PCSK6: variants seen among roughly 807,000 people sequenced by gnomAD.
The protein encoded by PCSK6 is paired basic amino acid cleaving enzyme 4.
In PCSK6, 85 loss-of-function variants were observed where a neutral mutation model predicts 123.3. The ratio of observed to expected loss-of-function variants is 0.69; its 90% CI spans 0.58 to 0.83. PCSK6 has a LOEUF of 0.83. PCSK6 is among the 40% of genes least tolerant of loss of function. The probability of loss-of-function intolerance (pLI) is 0.00; values close to 1 mark genes in which losing one functional copy is unlikely to be tolerated. For synonymous variants in PCSK6, 508 were observed against 516.0 expected (o/e 0.98, Z 0.21); for missense variants, 1,191 against 1,282.3 (o/e 0.93, Z 1.09).
At chr15:101,437,353 G>A (rs575020816) in intron 2 of PCSK6, among the ~76,000 whole-genome samples, 2 of 152,312 alleles carry the variant, frequency 1.3e-5, no homozygotes, top group South Asian at 2.1e-4. Flanking sequence ...GGGTGGGGCC[G>A]GGAAACCCCA....
intron 6 of PCSK6, among the ~76,000 whole-genome samples, chr15:101,406,846 C>T (rs2042796164): frequency 6.6e-6 from 1 of 152,148 alleles, no homozygotes; most frequent in Admixed American, 6.5e-5. Flanking sequence ...TGGAGCCACT[C>T]CACCTCCTTC....
At chr15:101,375,040 C>T (rs550739191) in intron 11 of PCSK6, among the ~76,000 whole-genome samples, 1 of 151,838 alleles carries the variant, frequency 6.6e-6, no homozygotes, top group African/African-American at 2.4e-5. Context: ...GTAACCTCTG[C>T]CTCCCGGGTT....
rs1375778137 is a variant in PCSK6 at position 101,305,578 on chromosome 15, G to A, written c.2813-223C>T. On this transcript the variant is annotated intron_variant, in intron 21 of 21. Coordinates refer to ENST00000611716, the MANE Select transcript of PCSK6 (RefSeq NM_002570.5). This position sits in a 1 kb window ranked among gnomAD's most constrained non-coding sequence, Gnocchi z 4.8. ...TAAAAATTAGCTGGGCATGGTGGTG[G>A]GCACCTGTAATCCAAGCTACTCGGG... 4.3e-6 allele frequency: 2 copies of A among 463,810 alleles called. No individual in the cohort carries two copies. Among genetic ancestry groups the A allele is most frequent in the African/African-American group, 2.0e-5 (1 of 50,278 alleles). The allele number at this position is 463,810 out of a possible 1,614,324, so 28.7% of individuals were successfully genotyped here. A position where few individuals can be genotyped will look rare whatever the true frequency, so the allele number is the denominator to read the frequency against.
chr15:101,343,779 T>G (rs2141393112), intron 13 of PCSK6, among the ~76,000 whole-genome samples: 1 of 152,334 alleles, frequency 6.6e-6, no homozygotes, highest in African/African-American at 2.4e-5. Flanking sequence ...TTCATAAATC[T>G]TCCATTCGTG....
chr15:101,427,993 A>T lies in PCSK6; in HGVS notation c.735-13T>A, dbSNP rs369500237. The T allele has an allele frequency of 1.8e-4, 287 of 1,560,404 alleles. 1 individual carries two copies. Among genetic ancestry groups the T allele is most frequent in the Non-Finnish European group, 1.8e-4 (212 of 1,151,692 alleles). On this transcript the variant is annotated splice_polypyrimidine_tract_variant and intron_variant, in intron 5 of 21. Coordinates refer to ENST00000611716, the MANE Select transcript of PCSK6 (RefSeq NM_002570.5). ...ACGAGTGCCGTGTCTGAAACAAAGG[A>T]AAAAACCAAGTGAGGACGCAGCCCA...
intron 13 of PCSK6, chr15:101,346,970 A>C: frequency 8.1e-7 from 1 of 1,231,752 alleles, no homozygotes; most frequent in Non-Finnish European, 1.0e-6. Context: ...CGGCCCCGTG[A>C]AAGAGAAAAG....
intron 15 of PCSK6, among the ~76,000 whole-genome samples, chr15:101,329,459 A>G (rs2040329519): frequency 6.6e-6 from 1 of 152,204 alleles, no homozygotes; most frequent in Non-Finnish European, 1.5e-5. Flanking sequence ...GCCCACGAGA[A>G]TAAGAGTACA....
chr15:101,312,963 C>T, intron 20 of PCSK6: 1 of 1,021,722 alleles, frequency 9.8e-7, no homozygotes, highest in Non-Finnish European at 1.2e-6. Context: ...TGAGGTCACA[C>T]CAGTGCACTC....
intron 1 of PCSK6, among the ~76,000 whole-genome samples, chr15:101,466,458 A>T (rs1314122521): frequency 6.6e-6 from 1 of 152,208 alleles, no homozygotes; most frequent in African/African-American, 2.4e-5. Flanking sequence ...AAATGTAAAC[A>T]TAGAGCTGCC....
intron 5 of PCSK6, 106 bp downstream of exon 5, chr15:101,429,881 A>C: frequency 3.2e-6 from 3 of 945,366 alleles, no homozygotes; most frequent in Non-Finnish European, 5.0e-6. Flanking sequence ...CAGGCAGGGA[A>C]GATACGCCGG....
chr15:101,404,126 T>C (rs2042698172), intron 6 of PCSK6, among the ~76,000 whole-genome samples: 1 of 152,242 alleles, frequency 6.6e-6, no homozygotes, highest in African/African-American at 2.4e-5. Flanking sequence ...GTCTTCTCAC[T>C]GTGTTTATGG....
At chr15:101,341,126 G>T (rs1027283772) in intron 13 of PCSK6, among the ~76,000 whole-genome samples, 1 of 151,296 alleles carries the variant, frequency 6.6e-6, no homozygotes, top group Non-Finnish European at 1.5e-5. Flanking sequence ...GTAGAGACAG[G>T]GTTTCACCAT....
intron 1 of PCSK6, among the ~76,000 whole-genome samples, chr15:101,479,599 G>A (rs952472723): frequency 6.6e-6 from 1 of 152,212 alleles, no homozygotes; most frequent in Admixed American, 6.5e-5. Flanking sequence ...AGAGGCTGGT[G>A]GGAGGAATCC....
intron 7 of PCSK6, among the ~76,000 whole-genome samples, chr15:101,395,581 C>G (rs2042386977): frequency 6.6e-6 from 1 of 152,230 alleles, no homozygotes; most frequent in African/African-American, 2.4e-5. Context: ...GATGTTTTAA[C>G]TGTCTCTGAC....
chr15:101,359,336 GT>G (rs1183564855), intron 13 of PCSK6, among the ~76,000 whole-genome samples: 3 of 152,206 alleles, frequency 2.0e-5, no homozygotes, highest in Non-Finnish European at 4.4e-5. Context: ...CAAAGATCCA[GT>G]TTCTACCCAC....
In PCSK6 at chr15:101,307,212, C is replaced by T. The variant is rs757857818; in HGVS notation, c.2812+1G>A. On this transcript the variant is annotated splice_donor_variant, in intron 21 of 21. Transcript: ENST00000611716. LOFTEE classifies it high-confidence loss of function. ...CCCAGGGTAACCCAGCTGCTGCTCACCGTTGCTGCACGTGTGGTTGGTGAT... is the reference window on the plus strand; with the variant it reads ...CCCAGGGTAACCCAGCTGCTGCTCATCGTTGCTGCACGTGTGGTTGGTGAT... 6.2e-7 allele frequency: 1 copy of T among 1,610,718 alleles called. No individual in the cohort carries two copies. The highest frequency in any genetic ancestry group is 8.5e-7 in the Non-Finnish European group (1 of 1,177,302).
At chr15:101,386,990 C>T (rs769046532) in intron 9 of PCSK6, among the ~76,000 whole-genome samples, 2 of 152,162 alleles carry the variant, frequency 1.3e-5, no homozygotes, top group South Asian at 4.1e-4. Context: ...TCACCCATGG[C>T]GTTAAGTCTT....
rs890845477 is a variant in PCSK6 at position 101,406,038 on chromosome 15, C to T, written c.824-7462G>A. Among the ~76,000 whole-genome samples the T allele has an allele frequency of 1.1e-4, 16 of 152,312 alleles. No individual in the cohort carries two copies. The East Asian group carries it at 2.7e-3, about 26-fold the overall frequency. ...GATTACAGGTATGAACCACCGTACCCGGCCGCCTGCTTCTAATTTATATCT... is the reference window on the plus strand; with the variant it reads ...GATTACAGGTATGAACCACCGTACCTGGCCGCCTGCTTCTAATTTATATCT... On this transcript the variant is annotated intron_variant, in intron 6 of 21. Coordinates refer to ENST00000611716, the MANE Select transcript of PCSK6 (RefSeq NM_002570.5).
intron 13 of PCSK6, among the ~76,000 whole-genome samples, chr15:101,343,350 T>C (rs1052117205): frequency 5.9e-5 from 9 of 152,164 alleles, no homozygotes; most frequent in African/African-American, 2.2e-4. Context: ...TTCTATTTTG[T>C]TAATTTCTGC....
Sources: allele counts gnomAD v4.1 joint callset (sites outside exome capture counted in the v4.1 genomes callset), GRCh38; gene constraint gnomAD v4.1.1; non-coding constraint Gnocchi (gnomAD v3.1); transcripts MANE v1.5; gene names NCBI Gene and HGNC (gene_info 2026-07-23, HGNC 2026-07-21).